The following TMEM106C variants were observed in gnomAD, a reference collection of about 807,000 sequenced individuals.
TMEM106C encodes transmembrane protein 106C.
TMEM106C carries 27 observed loss-of-function variants against 30.8 expected under a neutral mutation model. The ratio of observed to expected loss-of-function variants is 0.88; its 90% confidence interval spans 0.65 to 1.21. The LOEUF is 1.21. Among genes scored for constraint, TMEM106C ranks in the 50% most tolerant of loss-of-function variants. The probability of loss-of-function intolerance (pLI) is 0.00; values close to 1 mark genes in which losing one functional copy is unlikely to be tolerated. For missense variants in TMEM106C, 288 were observed against 307.8 expected, an observed-to-expected ratio of 0.94 and a Z score of 0.48; for synonymous variants, 123 against 118.8, an observed-to-expected ratio of 1.04 and a Z score of -0.23.
chr12:47,963,993 C>T, intron 1 of TMEM106C: 1 of 545,286 alleles, frequency 1.8e-6, no homozygotes, highest in South Asian at 2.0e-5. Context: ...AGGCCCCGTT[C>T]CCCCTCCCCA....
Position 47,967,334 on chromosome 12 carries a change from GT to G in TMEM106C, c.656+74del, listed in dbSNP as rs1448816288. 13 of 1,526,666 alleles carry G rather than the reference GT, an allele frequency of 8.5e-6. No homozygotes were observed. In the East Asian group the frequency reaches 2.9e-4, roughly 34 times the overall value. 94.6% of individuals were successfully genotyped at this position (1,526,666 alleles called of 1,614,324 possible). A position where few individuals can be genotyped will look rare whatever the true frequency, so the allele number is the denominator to read the frequency against. ...TACCACCTTTGCTCAGGAGGCCCCT[GT>G]GTGACCACAGGGCAGAGGCACCTAG... On this transcript the variant is annotated intron_variant, in intron 7 of 7. Coordinates refer to ENST00000429772, the MANE Select transcript of TMEM106C (RefSeq NM_001143842.2).
chr12:47,965,958 A>G lies in TMEM106C; in HGVS notation c.372A>G (p.Thr124=), dbSNP rs984871672. The part of the protein sequence containing the change: ...DDDGIKVVKV[T]FNKQDSLVIL... The stretch of plus-strand genomic sequence containing the variant: ...ACGGCATCAAAGTGGTGAAAGTCAC[A>G]TTTAATAAGCAAGACTCCCTTGTAA... Residue 124 remains threonine, a synonymous_variant, in exon 4 of 8, where the codon ACA becomes ACG. Transcript: ENST00000429772. 4.3e-6 allele frequency: 7 copies of G among 1,614,260 alleles called. No homozygotes were observed. The highest frequency in any genetic ancestry group is 5.1e-6 in the Non-Finnish European group (6 of 1,180,058).
At chr12:47,966,646 G>A in intron 5 of TMEM106C, 37 bp from the exon 6 acceptor site, 1 of 1,613,156 alleles carries the variant, frequency 6.2e-7, no homozygotes, top group Non-Finnish European at 8.5e-7. Flanking sequence ...TGTCAAGCCT[G>A]CTTGGCCACA....
At position 47,968,210 on chromosome 12, in the gene TMEM106C, G is replaced by A. The variant is rs1233056181; in HGVS notation, c.734G>A (p.Gly245Glu). The change falls in exon 8 of 8, where the codon GGA becomes GAA. Residue 245 changes from glycine to glutamate, a missense_variant. Coordinates refer to ENST00000429772, the MANE Select transcript of TMEM106C (RefSeq NM_001143842.2). Reference sequence around the variant, plus strand: ...ACACATCACTATGTGGATTGTGGAGGAAATTCCACAGCTATTTAACAACTG... The same window carrying A: ...ACACATCACTATGTGGATTGTGGAGAAAATTCCACAGCTATTTAACAACTG... The part of the protein sequence containing the change: ...LETHHYVDCG[G>E]NSTAI The A allele has an allele frequency of 6.2e-7, 1 of 1,612,946 alleles. No homozygotes were observed. Among genetic ancestry groups the A allele is most frequent in the African/African-American group, 1.3e-5 (1 of 74,916 alleles).
chr12:47,964,506 A>C, intron 2 of TMEM106C, 83 bp downstream of exon 2: 1 of 1,313,518 alleles, frequency 7.6e-7, no homozygotes, highest in East Asian at 2.4e-5. Context: ...CTTTTCTTCT[A>C]GGCAGTAATA....
At chr12:47,965,562 C>T in intron 3 of TMEM106C, 1 of 644,950 alleles carries the variant, frequency 1.6e-6, no homozygotes, top group Non-Finnish European at 2.7e-6. Flanking sequence ...GGAATGGAAT[C>T]AGAAGAAACT....
In TMEM106C at chr12:47,966,735, A is replaced by C; in HGVS notation, c.602+3A>C. ...GGAGGACCGTTTTCCTATGTGTAGT[A>C]AGGACACTGTTCTCTCTGTGTGTGC... On this transcript the variant is annotated splice_donor_region_variant and intron_variant, in intron 6 of 7. Coordinates refer to ENST00000429772, the MANE Select transcript of TMEM106C (RefSeq NM_001143842.2). 1 of 1,614,068 alleles carries C rather than the reference A, an allele frequency of 6.2e-7. No individual in the cohort carries two copies.
At position 47,968,122 on chromosome 12, in the gene TMEM106C, C is replaced by A; in HGVS notation, c.657-11C>A. 1 of 1,605,386 alleles carries A rather than the reference C, an allele frequency of 6.2e-7. No homozygotes were observed. Among genetic ancestry groups the A allele is most frequent in the Non-Finnish European group, 8.5e-7 (1 of 1,172,396 alleles). On this transcript the variant is annotated splice_polypyrimidine_tract_variant and intron_variant, in intron 7 of 7. Coordinates refer to ENST00000429772, the MANE Select transcript of TMEM106C (RefSeq NM_001143842.2). ...AACATAATTAATTCTTCTTGGTTTTCTTTTCCCTAGAACTTCAGTGAAGAT... is the reference window on the plus strand; with the variant it reads ...AACATAATTAATTCTTCTTGGTTTTATTTTCCCTAGAACTTCAGTGAAGAT...
chr12:47,964,364 T>C lies in TMEM106C; in HGVS notation c.128T>C (p.Phe43Ser). The C allele has an allele frequency of 6.2e-7, 1 of 1,614,168 alleles. No homozygotes were observed. The highest frequency in any genetic ancestry group is 8.5e-7 in the Non-Finnish European group (1 of 1,180,044). ...ATTGCTCAGTTCCCATATGTGGAAT[T>C]CACCGGGAGAGATAGCATCACCTGT... is the stretch of plus-strand genomic sequence containing the variant. ...EAIAQFPYVE[F>S]TGRDSITCLT... Residue 43 changes from phenylalanine (F) to serine (S), a missense_variant, in exon 2 of 8, where the codon TTC becomes TCC. Coordinates refer to ENST00000429772, the MANE Select transcript of TMEM106C (RefSeq NM_001143842.2).
At position 47,965,989 on chromosome 12, in the gene TMEM106C, A is replaced by G. The variant is rs1938208897; in HGVS notation, c.403A>G (p.Thr135Ala). 1 of 1,614,006 alleles carries G rather than the reference A, an allele frequency of 6.2e-7. No homozygotes were observed. Among genetic ancestry groups the G allele is most frequent in the Non-Finnish European group, 8.5e-7 (1 of 1,180,036 alleles). ...FNKQDSLVIL[T>A]IMATLKIRNS... ...TAAGCAAGACTCCCTTGTAATTCTC[A>G]CCATCATGGTAAGCCTTAGGGTTTC... The change falls in exon 4 of 8, where the codon ACC becomes GCC. Residue 135 changes from threonine to alanine, a missense_variant. Transcript: ENST00000429772.
Position 47,964,196 on chromosome 12 carries a change from C to G in TMEM106C, c.-28-13C>G, listed in dbSNP as rs891821500. The G allele has an allele frequency of 6.3e-7, 1 of 1,598,462 alleles. No individual in the cohort carries two copies. Among genetic ancestry groups the G allele is most frequent in the Non-Finnish European group, 8.5e-7 (1 of 1,171,012 alleles). ...CTGGGGCCGCTAACGTGCACTCCCT[C>G]TTTTCATCTTAGGACATGACACCAG... On this transcript the variant is annotated splice_polypyrimidine_tract_variant and intron_variant, in intron 1 of 7. Transcript: ENST00000429772.
In TMEM106C at chr12:47,966,140, C is replaced by A; in HGVS notation, c.463C>A (p.Leu155Met). 1 of 1,614,210 alleles carries A rather than the reference C, an allele frequency of 6.2e-7. No individual in the cohort carries two copies. The highest frequency in any genetic ancestry group is 8.5e-7 in the Non-Finnish European group (1 of 1,180,032). Residue 155 changes from leucine (L) to methionine (M), a missense_variant, in exon 5 of 8, where the codon CTG becomes ATG. Physicochemically the swap from Leu to Met is conservative, Grantham distance 15 (BLOSUM62 2). Transcript: ENST00000429772. ...SNFYTVAVTS[L>M]SSQIQYMNTV... ...CTTCTACACGGTGGCAGTGACCAGC[C>A]TGTCCAGCCAGATTCAGTACATGAA...
intron 2 of TMEM106C, among the ~76,000 whole-genome samples, 165 bp from the exon 3 acceptor site, chr12:47,965,117 C>T (rs896048351): frequency 1.3e-5 from 2 of 152,212 alleles, no homozygotes; most frequent in African/African-American, 4.8e-5. Flanking sequence ...TAATTTGTGG[C>T]ACTCTCTTGT....
At chr12:47,965,404 T>C in intron 3 of TMEM106C, 59 bp downstream of exon 3, 1 of 1,414,358 alleles carries the variant, frequency 7.1e-7, no homozygotes, top group Non-Finnish European at 9.9e-7. Context: ...TCTTTCTGTA[T>C]GTATGAATGC....
rs878967690 is a variant in TMEM106C, at chr12:47,965,336, C to T, written c.242C>T (p.Pro81Leu). ...LIPHSDQRLRPQRTKQYVLLS... is the reference protein window; with the variant it reads ...LIPHSDQRLRLQRTKQYVLLS... Reference sequence around the variant, plus strand: ...CCACACAGTGATCAGAGATTGCGCCCTCAGCGAACGTGAGTTACCTGCTTC... The same window carrying T: ...CCACACAGTGATCAGAGATTGCGCCTTCAGCGAACGTGAGTTACCTGCTTC... The change falls in exon 3 of 8, where the codon CCT becomes CTT. Residue 81 changes from proline to leucine, a missense_variant. Coordinates refer to ENST00000429772, the MANE Select transcript of TMEM106C (RefSeq NM_001143842.2). The T allele has an allele frequency of 6.2e-7, 1 of 1,614,060 alleles. No homozygotes were observed. Among genetic ancestry groups the T allele is most frequent in the Non-Finnish European group, 8.5e-7 (1 of 1,179,952 alleles).
Position 47,966,744 on chromosome 12 carries a change from G to A in TMEM106C, c.602+12G>A. ...TTTTCCTATGTGTAGTAAGGACACT[G>A]TTCTCTCTGTGTGTGCTCTCTACTG... On this transcript the variant is annotated intron_variant, in intron 6 of 7. Transcript: ENST00000429772. 1 of 1,613,990 alleles carries A rather than the reference G, an allele frequency of 6.2e-7. No individual in the cohort carries two copies. The highest frequency in any genetic ancestry group is 8.5e-7 in the Non-Finnish European group (1 of 1,179,880).
At chr12:47,967,119 A>C in intron 6 of TMEM106C, 89 bp from the exon 7 acceptor site, 943 of 1,355,170 alleles carry the variant, frequency 7.0e-4, no homozygotes, top group Non-Finnish European at 9.0e-4. Flanking sequence ...GGAGGGGGGC[A>C]CCCCAAACAG....
At chr12:47,965,011 C>T (rs12721420) in intron 2 of TMEM106C, among the ~76,000 whole-genome samples, 22,153 of 152,188 alleles carry the variant, frequency 0.15, 2,075 homozygotes, top group East Asian at 0.28. Flanking sequence ...TTGAGAGATT[C>T]GACGACTCTG....
rs750565383 is a variant in TMEM106C, at chr12:47,965,935, G to A, written c.349G>A (p.Gly117Ser). The change falls in exon 4 of 8, where the codon GGC (glycine) becomes AGC (serine). Residue 117 changes from glycine to serine, a missense_variant. Coordinates refer to ENST00000429772, the MANE Select transcript of TMEM106C (RefSeq NM_001143842.2). ...FPHSVLVDDD[G>S]IKVVKVTFNK... ...GCATTCAGTCCTTGTGGATGATGAC[G>A]GCATCAAAGTGGTGAAAGTCACATT... The A allele has an allele frequency of 6.8e-6, 11 of 1,614,076 alleles. No homozygotes were observed. The highest frequency in any genetic ancestry group is 2.7e-5 in the African/African-American group (2 of 74,924).
Sources: gnomAD v4.1 joint callset for allele counts (sites outside exome capture counted in the v4.1 genomes callset) on GRCh38, gnomAD v4.1.1 for gene constraint, MANE v1.5 for transcripts, NCBI Gene and HGNC (gene_info 2026-07-23, HGNC 2026-07-21) for gene names.